RORA: variants seen among roughly 807,000 people sequenced by gnomAD.
RORA encodes the protein nuclear receptor ROR-alpha.
A neutral mutation model predicts 69.5 loss-of-function variants in RORA; 7 were observed. The observed-to-expected ratio is 0.10, with a 90% confidence interval of 0.06 to 0.19. The LOEUF is 0.19. Among genes scored for constraint, RORA ranks in the 10% least tolerant of loss-of-function variants. The pLI, the probability that RORA is intolerant of heterozygous loss-of-function variation, is 1.00. For synonymous variants in RORA, 261 were observed against 240.8 expected, an observed-to-expected ratio of 1.08 and a Z score of -0.78; for missense variants, 457 against 663.0, an observed-to-expected ratio of 0.69 and a Z score of 3.41.
At chr15:60,824,472 C>A (rs1189346960) in intron 1 of RORA, among the ~76,000 whole-genome samples, 1 of 151,718 alleles carries the variant, frequency 6.6e-6, no homozygotes, top group Non-Finnish European at 1.5e-5. Context: ...TCCTAAAGTG[C>A]CAGGAACTGG....
At chr15:60,664,022 C>T (rs989163400) in intron 2 of RORA, among the ~76,000 whole-genome samples, 1 of 152,148 alleles carries the variant, frequency 6.6e-6, no homozygotes, top group African/African-American at 2.4e-5. Context: ...CATTAGAAAT[C>T]TAACCTAAGA....
intron 1 of RORA, among the ~76,000 whole-genome samples, chr15:60,918,317 C>T (rs1891940336): frequency 6.6e-6 from 1 of 152,234 alleles, no homozygotes; most frequent in South Asian, 2.1e-4. Context: ...CAAACATCAA[C>T]AATCTTCTTC....
At chr15:60,894,694 G>A (rs1205476993) in intron 1 of RORA, among the ~76,000 whole-genome samples, 1 of 152,192 alleles carries the variant, frequency 6.6e-6, no homozygotes, top group African/African-American at 2.4e-5. Flanking sequence ...CAGGTCTGGG[G>A]CAAGGCCTGA....
rs1567197376 is a variant in RORA at position 60,805,535 on chromosome 15, A to G, written c.167-126849T>C. Among the ~76,000 whole-genome samples, 6 of 152,200 alleles carry G rather than the reference A, an allele frequency of 3.9e-5. No individual in the cohort carries two copies. In the South Asian group the frequency reaches 1.2e-3, roughly 32 times the overall value. The stretch of plus-strand genomic sequence containing the variant: ...CTACCTTCTCTGATCTTGTTGTCCT[A>G]TATGTAGGATAGAATAACAGGACCC... On this transcript the variant is annotated intron_variant, in intron 1 of 10. Coordinates refer to ENST00000335670, the MANE Select transcript of RORA (RefSeq NM_134261.3).
intron 1 of RORA, among the ~76,000 whole-genome samples, chr15:60,830,750 A>C (rs1049243303): frequency 1.3e-5 from 2 of 152,216 alleles, no homozygotes. Flanking sequence ...TTATTCTCTT[A>C]AAATTGGAGG....
intron 1 of RORA, among the ~76,000 whole-genome samples, chr15:60,691,333 C>A (rs2070821328): frequency 6.6e-6 from 1 of 152,192 alleles, no homozygotes; most frequent in South Asian, 2.1e-4. Flanking sequence ...AGTTGTATGT[C>A]TTCCCAACAA....
At chr15:60,771,111 C>T (rs561890430) in intron 1 of RORA, among the ~76,000 whole-genome samples, 2 of 152,292 alleles carry the variant, frequency 1.3e-5, no homozygotes, top group Admixed American at 1.3e-4. Flanking sequence ...AGCTTTAACT[C>T]TTAAGGTAGG....
At chr15:60,720,977 T>G (rs2071286069) in intron 1 of RORA, among the ~76,000 whole-genome samples, 1 of 152,146 alleles carries the variant, frequency 6.6e-6, no homozygotes, top group Non-Finnish European at 1.5e-5. Context: ...AACTTACTAC[T>G]TCCTGCCCCC....
At chr15:60,509,872 G>A (rs1020315436) in intron 5 of RORA, among the ~76,000 whole-genome samples, 1 of 151,862 alleles carries the variant, frequency 6.6e-6, no homozygotes, top group Admixed American at 6.6e-5. Flanking sequence ...CAAAAGAGCT[G>A]CAATACACCT....
intron 1 of RORA, among the ~76,000 whole-genome samples, chr15:60,690,181 C>T (rs2070802018): frequency 6.6e-6 from 1 of 152,204 alleles, no homozygotes; most frequent in Non-Finnish European, 1.5e-5. Context: ...AATCCATTCT[C>T]CCATTCCTCC....
At position 60,629,187 on chromosome 15, in the gene RORA, C is replaced by CTTTTTTTTTTTT. The variant is rs34687322; in HGVS notation, c.196+49458_196+49469dup. The stretch of plus-strand genomic sequence containing the variant: ...TGTTTATAAGGATTGACTGTTTATT[C>CTTTTTTTTTTTT]TTTTTTTTTTTTTTTTTTGAAACAG... On this transcript the variant is annotated intron_variant, in intron 2 of 10. Coordinates refer to ENST00000335670, the MANE Select transcript of RORA (RefSeq NM_134261.3). Among the ~76,000 whole-genome samples, 28 of 112,018 alleles carry CTTTTTTTTTTTT rather than the reference C, an allele frequency of 2.5e-4. 1 individual carries two copies. Among genetic ancestry groups the CTTTTTTTTTTTT allele is most frequent in the African/African-American group, 8.2e-4 (22 of 26,992 alleles). 73.5% of individuals were successfully genotyped at this position (112,018 alleles called of 152,430 possible).
At chr15:60,499,153 G>A (rs2065254907) in intron 10 of RORA, among the ~76,000 whole-genome samples, 1 of 152,182 alleles carries the variant, frequency 6.6e-6, no homozygotes, top group African/African-American at 2.4e-5. Flanking sequence ...TTGATGACTA[G>A]TGAATTTAAT....
chr15:60,919,038 T>C (rs1412612321), intron 1 of RORA, among the ~76,000 whole-genome samples: 1 of 152,148 alleles, frequency 6.6e-6, no homozygotes, highest in East Asian at 1.9e-4. Context: ...CTTATGATGC[T>C]ACGAAAAGAC....
chr15:61,196,495 G>A (rs566451942), intron 1 of RORA, among the ~76,000 whole-genome samples: 1 of 152,326 alleles, frequency 6.6e-6, no homozygotes, highest in African/African-American at 2.4e-5. Flanking sequence ...AGGAAACTGA[G>A]GAGACAGGAG....
intron 1 of RORA, among the ~76,000 whole-genome samples, chr15:61,228,324 C>T (rs1415904017): frequency 6.6e-6 from 1 of 151,900 alleles, no homozygotes; most frequent in Non-Finnish European, 1.5e-5. Context: ...GGCTCCGAAC[C>T]CCCGGTCTGC....
chr15:61,141,316 G>C (rs749138234), intron 1 of RORA, among the ~76,000 whole-genome samples: 7 of 152,088 alleles, frequency 4.6e-5, no homozygotes, highest in Admixed American at 2.6e-4. Flanking sequence ...GTAGAATTTG[G>C]AATGAAGTAT....
intron 1 of RORA, among the ~76,000 whole-genome samples, chr15:60,962,452 A>G (rs1893441715): frequency 1.3e-5 from 2 of 152,182 alleles, no homozygotes; most frequent in South Asian, 2.1e-4. Context: ...GAAATTCCCA[A>G]ACTCATCTTA....
chr15:60,874,258 T>C (rs188305780), intron 1 of RORA, among the ~76,000 whole-genome samples: 79 of 152,318 alleles, frequency 5.2e-4, no homozygotes, highest in East Asian at 1.9e-4. Context: ...TCCTTGAGGG[T>C]ATAGTTGAAG....
chr15:60,728,343 C>T (rs1386890677), intron 1 of RORA, among the ~76,000 whole-genome samples: 4 of 152,188 alleles, frequency 2.6e-5, no homozygotes, highest in African/African-American at 7.2e-5. Flanking sequence ...ATATACCCAT[C>T]CTCCCAACTC....
Sources: allele counts gnomAD v4.1 joint callset (sites outside exome capture counted in the v4.1 genomes callset), GRCh38; gene constraint gnomAD v4.1.1; transcripts MANE v1.5; gene names NCBI Gene and HGNC (gene_info 2026-07-23, HGNC 2026-07-21).